The following RPL30 variants were observed in gnomAD, a reference collection of about 807,000 sequenced individuals.
The protein encoded by RPL30 is large ribosomal subunit protein eL30.
For synonymous variants in RPL30, 40 were observed against 50.4 expected, an observed-to-expected ratio of 0.79 and a Z score of 0.87; for missense variants, 60 against 138.0, an observed-to-expected ratio of 0.43 and a Z score of 2.83.
intron 3 of RPL30, chr8:98,044,250 G>C (rs1407239798): frequency 1.3e-5 from 2 of 152,270 alleles, no homozygotes; most frequent in African/African-American, 2.4e-5. Context: ...AGGCTTTAAA[G>C]AAAGTTTCAA....
intron 4 of RPL30, 116 bp downstream of exon 4, chr8:98,042,529 A>G: frequency 1.0e-6 from 1 of 967,242 alleles, no homozygotes; most frequent in South Asian, 1.5e-5. Context: ...GCCTTGCTAG[A>G]TCCATATTCT....
At chr8:98,045,220 G>T (rs932933930) in intron 2 of RPL30, 127 bp downstream of exon 2, 1 of 1,534,684 alleles carries the variant, frequency 6.5e-7, no homozygotes, top group African/African-American at 1.4e-5. Context: ...AGGGCCACTG[G>T]GATTCCTTCT....
chr8:98,042,534 T>C, intron 4 of RPL30, 111 bp downstream of exon 4: 2 of 1,020,850 alleles, frequency 2.0e-6, no homozygotes, highest in Non-Finnish European at 2.9e-6. Flanking sequence ...GCTAGATCCA[T>C]ATTCTATCTG....
chr8:98,045,095 A>G lies in RPL30; in HGVS notation c.22-7T>C. The stretch of plus-strand genomic sequence containing the variant: ...TCGACTCCAGCGACTTTTTCTACAA[A>G]GCAAACATTAAATACGGACCTAAGG... On this transcript the variant is annotated splice_region_variant and splice_polypyrimidine_tract_variant and intron_variant, in intron 2 of 4. Coordinates refer to ENST00000287038, the MANE Select transcript of RPL30 (RefSeq NM_000989.4). 1 of 1,613,074 alleles carries G rather than the reference A, an allele frequency of 6.2e-7. No individual in the cohort carries two copies. Among genetic ancestry groups the G allele is most frequent in the Non-Finnish European group, 8.5e-7 (1 of 1,179,554 alleles).
rs10635 is a variant in RPL30 at position 98,041,748 on chromosome 8, G to A, written c.*53C>T. Reference sequence around the variant, plus strand: ...TTTAAAACAAGCAAATTTTATTAAAGGAAAATTTTGCAGGTTTAAGGTTTG... The same window carrying A: ...TTTAAAACAAGCAAATTTTATTAAAAGAAAATTTTGCAGGTTTAAGGTTTG... On this transcript the variant is annotated 3_prime_UTR_variant, in exon 5 of 5. Transcript: ENST00000287038. The A allele has an allele frequency of 8.3e-7, 1 of 1,210,380 alleles. No individual in the cohort carries two copies. Among genetic ancestry groups the A allele is most frequent in the Non-Finnish European group, 1.2e-6 (1 of 835,234 alleles). 75.0% of individuals were successfully genotyped at this position (1,210,380 alleles called of 1,614,324 possible).
At chr8:98,043,600 G>T (rs190150866) in intron 3 of RPL30, 2 of 151,054 alleles carry the variant, frequency 1.3e-5, no homozygotes, top group African/African-American at 4.9e-5. Flanking sequence ...CCTCACGCGT[G>T]TAATCCCAGC....
At chr8:98,043,301 T>C (rs1814413529) in intron 3 of RPL30, 1 of 152,030 alleles carries the variant, frequency 6.6e-6, no homozygotes, top group Non-Finnish European at 1.5e-5. Context: ...TAATTTTTTA[T>C]ATTTTTGGTA....
chr8:98,041,922 T>C, intron 4 of RPL30, 72 bp from the exon 5 acceptor site: 1 of 1,117,918 alleles, frequency 8.9e-7, no homozygotes, highest in Non-Finnish European at 1.3e-6. Context: ...AAAATTTCTC[T>C]ACCTTTGGTT....
At chr8:98,044,344 T>TA (rs1814437414) in intron 3 of RPL30, 1 of 152,328 alleles carries the variant, frequency 6.6e-6, no homozygotes, top group Admixed American at 6.5e-5. Context: ...ACACCCTATA[T>TA]AAAATGCTGT....
At chr8:98,044,884 TG>T in intron 3 of RPL30, 58 bp downstream of exon 3, 1 of 1,552,714 alleles carries the variant, frequency 6.4e-7, no homozygotes, top group Non-Finnish European at 8.8e-7. Context: ...TTTACACTCC[TG>T]TATATTCGTT....
Position 98,045,510 on chromosome 8 carries a change from A to G in RPL30, c.-35T>C. 1 of 784,008 alleles carries G rather than the reference A, an allele frequency of 1.3e-6. No homozygotes were observed. The highest frequency in any genetic ancestry group is 2.1e-6 in the Non-Finnish European group (1 of 467,926). The allele number at this position is 784,008 out of a possible 1,614,324, so 48.6% of individuals were successfully genotyped here. ...TCGGTCGGTAGGAGCCCACTCACCA[A>G]CAGCAGCCGCTAAGATGGCCGGGGA... On this transcript the variant is annotated splice_region_variant and 5_prime_UTR_variant, in exon 1 of 5. Coordinates refer to ENST00000287038, the MANE Select transcript of RPL30 (RefSeq NM_000989.4).
At chr8:98,043,448 A>C (rs899677529) in intron 3 of RPL30, 1 of 55,768 alleles carries the variant, frequency 1.8e-5, no homozygotes, top group Non-Finnish European at 4.3e-5. Flanking sequence ...TTTTTTTTTA[A>C]TCTAATGAAA....
intron 3 of RPL30, chr8:98,043,582 A>C (rs927537680): frequency 6.6e-6 from 1 of 150,574 alleles, no homozygotes; most frequent in Non-Finnish European, 1.5e-5. Context: ...TAGAGTTAAA[A>C]TTTCTGGCCT....
intron 3 of RPL30, 43 bp from the exon 4 acceptor site, chr8:98,042,818 GTGAC>G (rs1814403687): frequency 1.3e-6 from 2 of 1,513,310 alleles, no homozygotes; most frequent in Non-Finnish European, 1.8e-6. Flanking sequence ...GCGATACCAA[GTGAC>G]TGACAGACTA....
At chr8:98,044,318 T>G (rs1814436680) in intron 3 of RPL30, 1 of 152,304 alleles carries the variant, frequency 6.6e-6, no homozygotes, top group Non-Finnish European at 1.5e-5. Flanking sequence ...CCTCCAGGCT[T>G]TGACGGTAAC....
At chr8:98,045,324 C>A in intron 2 of RPL30, 23 bp downstream of exon 2, 1 of 1,614,128 alleles carries the variant, frequency 6.2e-7, no homozygotes, top group Non-Finnish European at 8.5e-7. Flanking sequence ...AATCGTCTTC[C>A]GGGCCTGGCC....
chr8:98,044,189 C>T (rs1814434223), intron 3 of RPL30: 1 of 152,222 alleles, frequency 6.6e-6, no homozygotes, highest in South Asian at 2.1e-4. Flanking sequence ...TTAACATCAC[C>T]CATGTGACTC....
Position 98,041,864 on chromosome 8 carries a change from A to AT in RPL30, c.299-15dup, listed in dbSNP as rs1814381792. The AT allele has an allele frequency of 6.4e-7, 1 of 1,559,240 alleles. No individual in the cohort carries two copies. Among genetic ancestry groups the AT allele is most frequent in the African/African-American group, 1.4e-5 (1 of 73,242 alleles). On this transcript the variant is annotated splice_polypyrimidine_tract_variant and intron_variant, in intron 4 of 4. Coordinates refer to ENST00000287038, the MANE Select transcript of RPL30 (RefSeq NM_000989.4). The stretch of plus-strand genomic sequence containing the variant: ...TGTCAGAGTCACCTAAAAAATAAAA[A>AT]TAAAAAAACAGTAATTTTACAATTC...
chr8:98,045,420 G>T, intron 1 of RPL30, 21 bp from the exon 2 acceptor site: 1 of 1,611,052 alleles, frequency 6.2e-7, no homozygotes, highest in South Asian at 1.1e-5. Context: ...CAGAGAACAG[G>T]ACAGGAATTT....
Sources: allele counts gnomAD v4.1 joint callset, GRCh38; gene constraint gnomAD v4.1.1; transcripts MANE v1.5; gene names NCBI Gene and HGNC (gene_info 2026-07-23, HGNC 2026-07-21).